Variants in BMERB1 observed in about 807,000 individuals in gnomAD.
BMERB1 encodes bMERB domain containing 1.
A neutral mutation model predicts 23.6 loss-of-function variants in BMERB1; 12 were observed. The observed-to-expected ratio is 0.51, with a 90% CI of 0.33 to 0.82. The LOEUF (loss-of-function observed/expected upper bound fraction) is 0.82, where lower values mean the gene tolerates loss of function less well. BMERB1 is among the 40% of genes least tolerant of loss of function. BMERB1 has a pLI of 0.03. For synonymous variants in BMERB1, 122 were observed against 96.6 expected (o/e 1.26, Z -1.54); for missense variants, 247 against 255.4 (o/e 0.97, Z 0.22).
intron 2 of BMERB1, among the ~76,000 whole-genome samples, chr16:15,554,857 A>G (rs1321669978): frequency 1.3e-5 from 2 of 151,950 alleles, no homozygotes; most frequent in African/African-American, 4.8e-5. Flanking sequence ...CAGTAGAGAC[A>G]GGGTTTCACC....
At chr16:15,554,493 T>A (rs1055413990) in intron 2 of BMERB1, among the ~76,000 whole-genome samples, 1 of 152,090 alleles carries the variant, frequency 6.6e-6, no homozygotes, top group African/African-American at 2.4e-5. Flanking sequence ...TATGTAATAT[T>A]TGTATAATTT....
chr16:15,583,570 T>A (rs2150978351), intron 5 of BMERB1, among the ~76,000 whole-genome samples: 1 of 143,462 alleles, frequency 7.0e-6, no homozygotes, highest in East Asian at 2.0e-4. Context: ...AGGGTAAGAC[T>A]TTGTCTCAAA....
intron 2 of BMERB1, among the ~76,000 whole-genome samples, chr16:15,555,949 G>C (rs1327466402): frequency 6.6e-6 from 1 of 152,162 alleles, no homozygotes; most frequent in African/African-American, 2.4e-5. Context: ...GGAAGCTGAG[G>C]CGGGTGGATC....
intron 1 of BMERB1, among the ~76,000 whole-genome samples, chr16:15,469,813 G>C (rs1033387049): frequency 2.0e-5 from 3 of 152,092 alleles, no homozygotes; most frequent in African/African-American, 7.2e-5. Flanking sequence ...TATAGATGCA[G>C]TTCATATTTG....
intron 2 of BMERB1, among the ~76,000 whole-genome samples, chr16:15,552,072 C>T (rs563172160): frequency 1.3e-5 from 2 of 152,264 alleles, no homozygotes; most frequent in South Asian, 4.1e-4. Context: ...ATCCACTTCA[C>T]AGCTCGCTGG....
At chr16:15,573,931 A>G (rs1027629986) in intron 3 of BMERB1, among the ~76,000 whole-genome samples, 2 of 146,044 alleles carry the variant, frequency 1.4e-5, no homozygotes, top group African/African-American at 5.1e-5. Flanking sequence ...GAACTGCCCA[A>G]CCCTTATAAA....
chr16:15,536,346 CT>C (rs796340555), intron 2 of BMERB1, among the ~76,000 whole-genome samples: 6 of 152,082 alleles, frequency 3.9e-5, no homozygotes, highest in African/African-American at 1.2e-4. Context: ...CAGCAGCCCC[CT>C]AGGGACCCCT....
chr16:15,538,234 C>A lies in BMERB1; in HGVS notation c.230+22806C>A, dbSNP rs573234066. ...TTGGGAGCCCAAGGTGGGTGGATCA[C>A]TTAGGTCAGGAGTTCCAAACCAGCC... On this transcript the variant is annotated intron_variant, in intron 2 of 5. Transcript: ENST00000300006. Among the ~76,000 whole-genome samples, 4 of 152,210 alleles carry A rather than the reference C, an allele frequency of 2.6e-5. No individual in the cohort carries two copies. The East Asian group carries it at 7.8e-4, about 30-fold the overall frequency.
chr16:15,582,136 G>C (rs180863818), intron 4 of BMERB1, among the ~76,000 whole-genome samples: 1 of 152,168 alleles, frequency 6.6e-6, no homozygotes, highest in African/African-American at 2.4e-5. Flanking sequence ...AGTGGCTGAC[G>C]CCTGTAATCC....
At chr16:15,547,981 A>G (rs995693664) in intron 2 of BMERB1, among the ~76,000 whole-genome samples, 1 of 152,080 alleles carries the variant, frequency 6.6e-6, no homozygotes, top group Non-Finnish European at 1.5e-5. Context: ...TTAGTGTATA[A>G]AGCACTTAGG....
intron 1 of BMERB1, among the ~76,000 whole-genome samples, chr16:15,467,521 G>A (rs1028495247): frequency 6.6e-6 from 1 of 151,944 alleles, no homozygotes; most frequent in Non-Finnish European, 1.5e-5. Flanking sequence ...CATGTCCTTT[G>A]TCCACTTACT....
chr16:15,571,738 C>CA (rs1244838225), intron 3 of BMERB1, among the ~76,000 whole-genome samples: 1 of 152,140 alleles, frequency 6.6e-6, no homozygotes, highest in Non-Finnish European at 1.5e-5. Flanking sequence ...CTCACCCTGT[C>CA]AATGTAAATT....
chr16:15,492,484 A>AT (rs1042680846), intron 1 of BMERB1, among the ~76,000 whole-genome samples: 4 of 152,228 alleles, frequency 2.6e-5, no homozygotes, highest in African/African-American at 9.6e-5. Flanking sequence ...TGGGCTGTGT[A>AT]TAGTGACTTC....
chr16:15,585,872 C>T (rs2031127219), intron 5 of BMERB1, among the ~76,000 whole-genome samples: 1 of 152,048 alleles, frequency 6.6e-6, no homozygotes, highest in South Asian at 2.1e-4. Flanking sequence ...ACTGAATCAC[C>T]ATGAGGAGAA....
chr16:15,499,160 C>G (rs942756085), intron 1 of BMERB1, among the ~76,000 whole-genome samples: 2 of 152,176 alleles, frequency 1.3e-5, no homozygotes, highest in African/African-American at 2.4e-5. Flanking sequence ...ACCTCTTCAC[C>G]TTCATCCTTA....
intron 2 of BMERB1, among the ~76,000 whole-genome samples, chr16:15,518,197 T>TGGGACAAATGTCA (rs1371832073): frequency 4.6e-5 from 7 of 152,208 alleles, no homozygotes; most frequent in Non-Finnish European, 1.0e-4. Flanking sequence ...AGCCCATGAA[T>TGGGACAAATGTCA]CTGACCACTT....
At chr16:15,474,643 G>A (rs1598459262) in intron 1 of BMERB1, among the ~76,000 whole-genome samples, 1 of 151,948 alleles carries the variant, frequency 6.6e-6, no homozygotes, top group African/African-American at 2.4e-5. Context: ...GCCTCCTAAA[G>A]CACTGGGATT....
At chr16:15,554,317 G>C (rs961743768) in intron 2 of BMERB1, among the ~76,000 whole-genome samples, 1 of 152,132 alleles carries the variant, frequency 6.6e-6, no homozygotes, top group African/African-American at 2.4e-5. Context: ...CTGTCTAAGA[G>C]ATAATAATAA....
chr16:15,471,691 T>G (rs1445743766), intron 1 of BMERB1, among the ~76,000 whole-genome samples: 1 of 152,118 alleles, frequency 6.6e-6, no homozygotes, highest in African/African-American at 2.4e-5. Flanking sequence ...GCTCAAGAGA[T>G]CCTCCTGTCT....
Sources: allele counts gnomAD v4.1 joint callset (sites outside exome capture counted in the v4.1 genomes callset), GRCh38; gene constraint gnomAD v4.1.1; transcripts MANE v1.5; gene names NCBI Gene and HGNC (gene_info 2026-07-23, HGNC 2026-07-21).